Variants in IPO11 observed in about 807,000 individuals in gnomAD.
The protein encoded by IPO11 is importin-11.
A neutral mutation model predicts 143.2 loss-of-function variants in IPO11; 66 were observed. The observed-to-expected ratio is 0.46, with a 90% CI of 0.38 to 0.57. The LOEUF is 0.57. IPO11 is among the 20% of genes least tolerant of loss of function. The probability of loss-of-function intolerance (pLI) is 0.00; values close to 1 mark genes in which losing one functional copy is unlikely to be tolerated. For missense variants in IPO11, 1,026 were observed against 1,141.0 expected, an observed-to-expected ratio of 0.90 and a Z score of 1.45; for synonymous variants, 385 against 377.8, an observed-to-expected ratio of 1.02 and a Z score of -0.22.
rs147086426 is a variant in IPO11, at chr5:62,435,885, T to G, written c.-6-1389T>G. On this transcript the variant is annotated intron_variant, in intron 1 of 29. Transcript: ENST00000325324. ...CTCTACTAAAAATACAAAAATTAGC[T>G]GGGCTTGGTGGTGTGCGCCTGTAAT... Among the ~76,000 whole-genome samples the G allele has an allele frequency of 8.4e-3, 1,274 of 152,048 alleles. 23 individuals are homozygous for G. Among genetic ancestry groups the G allele is most frequent in the African/African-American group, 0.03 (1,235 of 41,482 alleles).
chr5:62,511,699 A>C (rs1488193217), intron 19 of IPO11, among the ~76,000 whole-genome samples: 1 of 152,188 alleles, frequency 6.6e-6, no homozygotes, highest in East Asian at 1.9e-4. Flanking sequence ...ATTCAAGTAG[A>C]TAGTAGTGAA....
chr5:62,442,969 T>G lies in IPO11; in HGVS notation c.139-14T>G. 1 of 1,452,352 alleles carries G rather than the reference T, an allele frequency of 6.9e-7. No individual in the cohort carries two copies. Among genetic ancestry groups the G allele is most frequent in the Non-Finnish European group, 9.6e-7 (1 of 1,045,532 alleles). 90.0% of individuals were successfully genotyped at this position (1,452,352 alleles called of 1,614,324 possible). A position where few individuals can be genotyped will look rare whatever the true frequency, so the allele number is the denominator to read the frequency against. Reference sequence around the variant, plus strand: ...ATTCCATGCTAATTCTAATATTATGTTTTTTATTTATAGAATATTTTCACC... The same window carrying G: ...ATTCCATGCTAATTCTAATATTATGGTTTTTATTTATAGAATATTTTCACC... On this transcript the variant is annotated splice_polypyrimidine_tract_variant and intron_variant, in intron 2 of 29. Coordinates refer to ENST00000325324, the MANE Select transcript of IPO11 (RefSeq NM_016338.5).
chr5:62,517,006 G>C (rs1346416481), intron 20 of IPO11, among the ~76,000 whole-genome samples: 1 of 151,912 alleles, frequency 6.6e-6, no homozygotes, highest in Non-Finnish European at 1.5e-5. Context: ...AGACCATCCT[G>C]GCTAACACGG....
rs188338857 is a variant in IPO11 at position 62,623,903 on chromosome 5, G to A, written c.2764-3251G>A. ...CTTCCAAAGTGCAGGGATTACAGGC[G>A]TGAGCCACAATGCCCGGCCTTTTAT... On this transcript the variant is annotated intron_variant, in intron 29 of 29. Transcript: ENST00000325324. 2.0e-3 allele frequency among the ~76,000 whole-genome samples: 309 copies of A among 151,688 alleles called. 2 individuals carry two copies. Among genetic ancestry groups the A allele is most frequent in the African/African-American group, 7.3e-3 (301 of 41,370 alleles).
At chr5:62,594,613 A>C (rs556468980) in intron 28 of IPO11, among the ~76,000 whole-genome samples, 1 of 152,306 alleles carries the variant, frequency 6.6e-6, no homozygotes, top group African/African-American at 2.4e-5. Flanking sequence ...ATACACCCAG[A>C]GTAATGTTTA....
chr5:62,489,220 C>T (rs1425081019), intron 13 of IPO11, 82 bp from the exon 14 acceptor site: 4 of 743,442 alleles, frequency 5.4e-6, no homozygotes, highest in Non-Finnish European at 6.2e-6. Context: ...GGGAAACTAA[C>T]AAATTGTGTT....
chr5:62,493,950 C>T lies in IPO11; in HGVS notation c.1464-48C>T, dbSNP rs1167985636. The stretch of plus-strand genomic sequence containing the variant: ...GATAAATTATACTAAAAGAAATAGA[C>T]CTCTTAAAATATTTAACATTTTAAT... On this transcript the variant is annotated intron_variant, in intron 15 of 29. Transcript: ENST00000325324. 22 of 1,485,256 alleles carry T rather than the reference C, an allele frequency of 1.5e-5. No individual in the cohort carries two copies. In the South Asian group the frequency reaches 2.7e-4, roughly 19 times the overall value. The allele number at this position is 1,485,256 out of a possible 1,614,324, so 92.0% of individuals were successfully genotyped here.
At chr5:62,440,625 G>A (rs1744434183) in intron 2 of IPO11, among the ~76,000 whole-genome samples, 1 of 151,774 alleles carries the variant, frequency 6.6e-6, no homozygotes, top group Non-Finnish European at 1.5e-5. Context: ...CCAAAGTGCT[G>A]GGATTACAGG....
At chr5:62,534,192 C>T (rs1007544660) in intron 22 of IPO11, among the ~76,000 whole-genome samples, 2 of 152,086 alleles carry the variant, frequency 1.3e-5, no homozygotes, top group Non-Finnish European at 2.9e-5. Flanking sequence ...TAATTTAGTT[C>T]TAATGGCTTT....
At chr5:62,530,842 C>A in intron 22 of IPO11, 57 bp downstream of exon 22, 2 of 1,279,184 alleles carry the variant, frequency 1.6e-6, no homozygotes, top group Non-Finnish European at 2.3e-6. Context: ...AATTGGGAGG[C>A]ATTGAAACAT....
chr5:62,547,204 T>C (rs1181171252), intron 24 of IPO11, among the ~76,000 whole-genome samples: 1 of 152,144 alleles, frequency 6.6e-6, no homozygotes. Flanking sequence ...AGTAGTATTA[T>C]TGTCATCAGT....
chr5:62,503,494 G>T (rs1268155159), intron 16 of IPO11, among the ~76,000 whole-genome samples: 8 of 151,384 alleles, frequency 5.3e-5, no homozygotes, highest in Non-Finnish European at 1.0e-4. Context: ...TGTAAGATCT[G>T]TATGGGCATG....
In IPO11 at chr5:62,432,616, G is replaced by A. The variant is rs568372699; in HGVS notation, c.-6-4658G>A. On this transcript the variant is annotated intron_variant, in intron 1 of 29. Coordinates refer to ENST00000325324, the MANE Select transcript of IPO11 (RefSeq NM_016338.5). ...ATAGATGTTTCTGTATTTGCTGTAT[G>A]CGGTTAAGACATTTTCCAGAGACTT... Among the ~76,000 whole-genome samples the A allele has an allele frequency of 4.6e-5, 7 of 152,318 alleles. No homozygotes were observed. In the South Asian group the frequency reaches 1.5e-3, roughly 32 times the overall value.
chr5:62,539,167 C>T (rs1476785358), intron 24 of IPO11, among the ~76,000 whole-genome samples: 1 of 152,060 alleles, frequency 6.6e-6, no homozygotes, highest in East Asian at 1.9e-4. Context: ...CTTTATAATA[C>T]TTATGTTAAT....
intron 27 of IPO11, among the ~76,000 whole-genome samples, chr5:62,564,868 CA>C (rs1580329914): frequency 1.3e-5 from 2 of 152,320 alleles, no homozygotes; most frequent in East Asian, 3.9e-4. Context: ...TTTAGGACCA[CA>C]CTCAAATCCC....
chr5:62,505,836 C>T (rs1051560823), intron 18 of IPO11, among the ~76,000 whole-genome samples: 3 of 152,006 alleles, frequency 2.0e-5, no homozygotes, highest in African/African-American at 4.8e-5. Context: ...TAATTAACGT[C>T]TTTTTGCCGT....
At chr5:62,564,716 G>A (rs1743877806) in intron 27 of IPO11, among the ~76,000 whole-genome samples, 1 of 152,066 alleles carries the variant, frequency 6.6e-6, no homozygotes, top group Non-Finnish European at 1.5e-5. Flanking sequence ...AATATCATCA[G>A]ACATTGCCAT....
intron 19 of IPO11, among the ~76,000 whole-genome samples, chr5:62,510,383 C>A (rs1423583324): frequency 6.6e-6 from 1 of 152,140 alleles, no homozygotes; most frequent in East Asian, 1.9e-4. Flanking sequence ...TAATATTTTA[C>A]CACATTTGCT....
chr5:62,592,655 T>A (rs923243873), intron 28 of IPO11, among the ~76,000 whole-genome samples: 1 of 152,172 alleles, frequency 6.6e-6, no homozygotes, highest in Non-Finnish European at 1.5e-5. Flanking sequence ...ACTCACAGTT[T>A]CGCAGGGCTG....
Sources: allele counts gnomAD v4.1 joint callset (sites outside exome capture counted in the v4.1 genomes callset), GRCh38; gene constraint gnomAD v4.1.1; transcripts MANE v1.5; gene names NCBI Gene and HGNC (gene_info 2026-07-23, HGNC 2026-07-21).